SCHIP1: variants seen among roughly 807,000 people sequenced by gnomAD.
The protein encoded by SCHIP1 is schwannomin interacting protein 1.
Under a neutral mutation model 29.7 loss-of-function variants are expected in SCHIP1, and 8 were observed. That is an observed-to-expected ratio of 0.27 (90% CI 0.16 to 0.49). SCHIP1 has a LOEUF of 0.49. SCHIP1 is among the 20% of genes least tolerant of loss of function. SCHIP1 has a pLI of 0.99. For missense variants in SCHIP1, 193 were observed against 294.6 expected, an observed-to-expected ratio of 0.66 and a Z score of 2.52; for synonymous variants, 76 against 94.9, an observed-to-expected ratio of 0.80 and a Z score of 1.16.
the SCHIP1 span, among the ~76,000 whole-genome samples, chr3:159,655,826 T>G: frequency 6.6e-6 from 1 of 152,006 alleles, no homozygotes; most frequent in East Asian, 1.9e-4. Context: ...GAGGCGGAGG[T>G]TGCAGTGAGC....
At chr3:159,613,322 A>G in the SCHIP1 span, among the ~76,000 whole-genome samples, 4 of 152,230 alleles carry the variant, frequency 2.6e-5, no homozygotes, top group African/African-American at 9.6e-5. Context: ...GAATATTTCA[A>G]TATTGAAGTA....
At chr3:159,391,786 C>G in the SCHIP1 span, among the ~76,000 whole-genome samples, 1 of 152,202 alleles carries the variant, frequency 6.6e-6, no homozygotes, top group African/African-American at 2.4e-5. Flanking sequence ...ATCTTAACAA[C>G]CATTAAAGTC....
the SCHIP1 span, among the ~76,000 whole-genome samples, chr3:159,501,188 TGA>T: frequency 6.6e-6 from 1 of 152,198 alleles, no homozygotes; most frequent in Non-Finnish European, 1.5e-5. Flanking sequence ...TCATGAAATA[TGA>T]CATCTAATTC....
At chr3:159,781,007 G>A in the SCHIP1 span, among the ~76,000 whole-genome samples, 1 of 152,092 alleles carries the variant, frequency 6.6e-6, no homozygotes, top group Non-Finnish European at 1.5e-5. Flanking sequence ...TATGATTATT[G>A]GGATAAAAAC....
chr3:159,635,950 G>A, the SCHIP1 span, among the ~76,000 whole-genome samples: 1 of 152,194 alleles, frequency 6.6e-6, no homozygotes, highest in Non-Finnish European at 1.5e-5. Flanking sequence ...TTGTAGGCAG[G>A]TGTGGAATGC....
the SCHIP1 span, among the ~76,000 whole-genome samples, chr3:159,814,065 C>T: frequency 6.6e-6 from 1 of 152,196 alleles, no homozygotes; most frequent in African/African-American, 2.4e-5. Context: ...TCTTCAGCTG[C>T]TGGTAATGTT....
the SCHIP1 span, among the ~76,000 whole-genome samples, chr3:159,519,954 T>A: frequency 6.6e-6 from 1 of 151,704 alleles, no homozygotes; most frequent in Non-Finnish European, 1.5e-5. Context: ...GTCGTACAAC[T>A]GGGGCACAGC....
the SCHIP1 span, among the ~76,000 whole-genome samples, chr3:159,438,952 T>G: frequency 1.8e-4 from 27 of 152,288 alleles, no homozygotes; most frequent in East Asian, 5.2e-3. Flanking sequence ...AATGAACACA[T>G]GCATGCATGT....
chr3:159,481,782 A>G, the SCHIP1 span, among the ~76,000 whole-genome samples: 17 of 152,200 alleles, frequency 1.1e-4, no homozygotes, highest in African/African-American at 3.9e-4. Flanking sequence ...GGTAATTACT[A>G]TACTTAACAT....
At chr3:159,363,630 C>A in the SCHIP1 span, among the ~76,000 whole-genome samples, 1 of 152,186 alleles carries the variant, frequency 6.6e-6, no homozygotes, top group Admixed American at 6.5e-5. Flanking sequence ...CAACAAAACA[C>A]CCACCAACCC....
chr3:159,637,018 A>C, the SCHIP1 span, among the ~76,000 whole-genome samples: 1 of 152,178 alleles, frequency 6.6e-6, no homozygotes, highest in Non-Finnish European at 1.5e-5. Flanking sequence ...TATTGATATT[A>C]CACTACTGAT....
chr3:159,864,668 T>C (rs1252257068), intron 1 of SCHIP1, among the ~76,000 whole-genome samples: 2 of 152,138 alleles, frequency 1.3e-5, no homozygotes, highest in Non-Finnish European at 2.9e-5. Flanking sequence ...AGAGTAGAGA[T>C]GAGGTTTCTT....
At chr3:159,565,005 C>T in the SCHIP1 span, among the ~76,000 whole-genome samples, 1 of 152,168 alleles carries the variant, frequency 6.6e-6, no homozygotes, top group African/African-American at 2.4e-5. Context: ...CATGTATGTG[C>T]ATGTGCTTAG....
At chr3:159,366,428 C>T in the SCHIP1 span, among the ~76,000 whole-genome samples, 1 of 152,302 alleles carries the variant, frequency 6.6e-6, no homozygotes, top group Admixed American at 6.5e-5. Flanking sequence ...AGAACTTGGG[C>T]ACTGAATTCA....
chr3:159,442,911 A>G, the SCHIP1 span, among the ~76,000 whole-genome samples: 1 of 152,316 alleles, frequency 6.6e-6, no homozygotes, highest in South Asian at 2.1e-4. Flanking sequence ...TTATTGATCT[A>G]ATGAAGGATT....
the SCHIP1 span, among the ~76,000 whole-genome samples, chr3:159,703,142 G>T: frequency 1.2e-3 from 189 of 152,252 alleles, no homozygotes; most frequent in African/African-American, 4.5e-3. Flanking sequence ...ACCCAGTGTG[G>T]TACCTTTCTG....
At chr3:159,704,291 T>A in the SCHIP1 span, among the ~76,000 whole-genome samples, 1 of 151,814 alleles carries the variant, frequency 6.6e-6, no homozygotes, top group Admixed American at 6.6e-5. Flanking sequence ...AAAACTTAGC[T>A]GGGCATGGTG....
the SCHIP1 span, among the ~76,000 whole-genome samples, chr3:159,828,419 GTA>G: frequency 8.8e-4 from 41 of 46,752 alleles, no homozygotes; most frequent in Admixed American, 6.4e-3. Context: ...GTATATATAC[GTA>G]TATATATACG....
chr3:159,812,191 G>A, the SCHIP1 span, among the ~76,000 whole-genome samples: 5 of 151,922 alleles, frequency 3.3e-5, no homozygotes, highest in African/African-American at 9.7e-5. Flanking sequence ...GGCTGGTCTC[G>A]AACTACTGGC....
Sources: allele counts gnomAD v4.1 joint callset (sites outside exome capture counted in the v4.1 genomes callset), GRCh38; gene constraint gnomAD v4.1.1; transcripts MANE v1.5; gene names NCBI Gene and HGNC (gene_info 2026-07-23, HGNC 2026-07-21).